Variants in PIEZO2 observed in about 807,000 individuals in gnomAD.
The protein encoded by PIEZO2 is piezo type mechanosensitive ion channel component 2.
A neutral mutation model predicts 337.3 loss-of-function variants in PIEZO2; 172 were observed. That is an observed-to-expected ratio of 0.51 (90% CI 0.45 to 0.58). PIEZO2 has a LOEUF of 0.58. Ranked by LOEUF, PIEZO2 falls within the 20% of genes least tolerant of loss-of-function variation. PIEZO2 has a pLI of 0.00. For synonymous variants in PIEZO2, 1,251 were observed against 1,228.5 expected, an observed-to-expected ratio of 1.02 and a Z score of -0.38; for missense variants, 3,028 against 3,391.3, an observed-to-expected ratio of 0.89 and a Z score of 2.66.
chr18:11,058,485 G>A (rs976958109), intron 2 of PIEZO2, among the ~76,000 whole-genome samples: 1 of 152,128 alleles, frequency 6.6e-6, no homozygotes, highest in African/African-American at 2.4e-5. Context: ...CTGAGCTAAA[G>A]GAGGAAGTTC....
intron 2 of PIEZO2, among the ~76,000 whole-genome samples, chr18:11,065,516 A>C (rs1242346253): frequency 6.6e-6 from 1 of 152,236 alleles, no homozygotes; most frequent in Admixed American, 6.5e-5. Context: ...TATAGTCACC[A>C]CTTTATATTC....
At chr18:10,926,530 A>G (rs1173195286) in intron 3 of PIEZO2, among the ~76,000 whole-genome samples, 1 of 152,214 alleles carries the variant, frequency 6.6e-6, no homozygotes, top group African/African-American at 2.4e-5. Context: ...AGAAAAAAGC[A>G]GTTCACAGTG....
intron 2 of PIEZO2, among the ~76,000 whole-genome samples, chr18:11,042,360 TG>T (rs1196211305): frequency 6.6e-6 from 1 of 152,214 alleles, no homozygotes; most frequent in African/African-American, 2.4e-5. Context: ...GCCTGCAGGC[TG>T]GGGATGGCCA....
At chr18:11,036,239 G>A (rs956742559) in intron 2 of PIEZO2, among the ~76,000 whole-genome samples, 2 of 152,162 alleles carry the variant, frequency 1.3e-5, no homozygotes, top group Non-Finnish European at 2.9e-5. Flanking sequence ...ATAAGAATGT[G>A]GTTTCACAGC....
intron 2 of PIEZO2, among the ~76,000 whole-genome samples, chr18:11,015,600 A>G (rs2145684867): frequency 6.6e-6 from 1 of 152,272 alleles, no homozygotes; most frequent in South Asian, 2.1e-4. Flanking sequence ...CGCCTTGATA[A>G]TCAGTGCCAA....
At chr18:10,796,488 G>C (rs2045419190) in intron 12 of PIEZO2, among the ~76,000 whole-genome samples, 1 of 152,090 alleles carries the variant, frequency 6.6e-6, no homozygotes, top group African/African-American at 2.4e-5. Context: ...TGTTAACCTT[G>C]AAGACCTTCA....
At chr18:10,934,385 C>T (rs1233348356) in intron 3 of PIEZO2, among the ~76,000 whole-genome samples, 2 of 152,176 alleles carry the variant, frequency 1.3e-5, no homozygotes, top group South Asian at 2.1e-4. Context: ...TCAGGCCCTG[C>T]AGCTTCAGGT....
chr18:11,089,920 G>A (rs1173901218), intron 1 of PIEZO2, among the ~76,000 whole-genome samples: 1 of 152,164 alleles, frequency 6.6e-6, no homozygotes, highest in Non-Finnish European at 1.5e-5. Context: ...GAAGAGAACC[G>A]ATTGATCTCA....
In PIEZO2 at chr18:11,148,488, C is replaced by CCTCCT. The variant is rs1026307287; in HGVS notation, c.64+32_64+36dup. ...TCCCCCACCCAGGCGCCCCCCTCGT[C>CCTCCT]CTCCTCAAGTGCCCTCGGAAAGCGG... On this transcript the variant is annotated intron_variant, in intron 1 of 55. Coordinates refer to ENST00000674853, the MANE Select transcript of PIEZO2 (RefSeq NM_001378183.1). This position sits in a 1 kb window ranked among gnomAD's most constrained non-coding sequence, Gnocchi z 5.2. 1.3e-6 allele frequency: 2 copies of CCTCCT among 1,535,542 alleles called. No individual in the cohort carries two copies. The highest frequency in any genetic ancestry group is 2.7e-5 in the African/African-American group (2 of 73,142).
intron 1 of PIEZO2, among the ~76,000 whole-genome samples, chr18:11,072,855 G>C (rs972971540): frequency 6.6e-6 from 1 of 152,136 alleles, no homozygotes; most frequent in African/African-American, 2.4e-5. Context: ...GCCGGGCTAG[G>C]ATTACAGGTA....
intron 3 of PIEZO2, among the ~76,000 whole-genome samples, chr18:10,918,523 C>T (rs1331520242): frequency 1.3e-5 from 2 of 151,888 alleles, no homozygotes; most frequent in Non-Finnish European, 2.9e-5. Flanking sequence ...TGGGTGATCT[C>T]GTCATAAAAG....
chr18:10,818,145 C>G (rs1038732295), intron 7 of PIEZO2, among the ~76,000 whole-genome samples: 8 of 151,890 alleles, frequency 5.3e-5, no homozygotes, highest in African/African-American at 1.9e-4. Flanking sequence ...ACAATTTATA[C>G]CCTTAAAGAA....
Position 11,003,458 on chromosome 18 carries a change from TA to T in PIEZO2, c.161-23799del. On this transcript the variant is annotated intron_variant, in intron 2 of 55. Coordinates refer to ENST00000674853, the MANE Select transcript of PIEZO2 (RefSeq NM_001378183.1). The surrounding 1 kb of genome is among the most constrained non-coding windows in gnomAD (Gnocchi z 4.6). The stretch of plus-strand genomic sequence containing the variant: ...GGTCACAAAAACATCACCAAACTTC[TA>T]AATAAGGACAAAACACTTCTATATT... 6.6e-6 allele frequency among the ~76,000 whole-genome samples: 1 copy of T among 152,214 alleles called. No homozygotes were observed. The highest frequency in any genetic ancestry group is 1.9e-4 in the East Asian group (1 of 5,206).
At chr18:11,103,191 T>C (rs1237665270) in intron 1 of PIEZO2, among the ~76,000 whole-genome samples, 2 of 152,230 alleles carry the variant, frequency 1.3e-5, no homozygotes, top group Admixed American at 6.5e-5. Flanking sequence ...ATAAAAACTA[T>C]GTGTTTTATA....
In PIEZO2 at chr18:10,671,598, A is replaced by G. The variant is rs1001797643; in HGVS notation, c.8527T>C (p.Tyr2843His). 1.9e-6 allele frequency: 3 copies of G among 1,613,832 alleles called. No homozygotes were observed. Among genetic ancestry groups the G allele is most frequent in the Non-Finnish European group, 2.5e-6 (3 of 1,179,882 alleles). The change falls in exon 56 of 56, where the codon TAT (tyrosine) becomes CAT (histidine). Residue 2843 changes from tyrosine to histidine, a missense_variant. Physicochemically the swap from Tyr to His is moderately conservative, Grantham distance 83. This residue lies in a region of PIEZO2 where 332 missense variants were observed against 363.8 expected (regional missense o/e 0.91). Transcript: ENST00000674853. ...TGELELEEDL[Y>H]AKLIFLYRSP... is the part of the protein sequence containing the mutation. ...CGATATAGGAATATTAATTTGGCAT[A>G]GAGATCTTCTTCTAGCTCCAGTTCT...
intron 3 of PIEZO2, among the ~76,000 whole-genome samples, chr18:10,966,593 T>C (rs886797916): frequency 6.6e-6 from 1 of 151,988 alleles, no homozygotes; most frequent in Non-Finnish European, 1.5e-5. Context: ...ATCACTGGAG[T>C]AGCTGTTATT....
At chr18:10,675,490 T>C (rs2033957710) in intron 53 of PIEZO2, among the ~76,000 whole-genome samples, 1 of 152,204 alleles carries the variant, frequency 6.6e-6, no homozygotes, top group South Asian at 2.1e-4. Flanking sequence ...CTGAGCTTTA[T>C]CTGTATCTGC....
rs77367208 is a variant in PIEZO2, at chr18:10,979,482, C to T, written c.286+53G>A. 61,278 of 1,387,716 alleles carry T rather than the reference C, an allele frequency of 0.044. 2,042 individuals carry two copies. The highest frequency in any genetic ancestry group is 0.15 in the African/African-American group (10,582 of 69,270). 86.0% of individuals were successfully genotyped at this position (1,387,716 alleles called of 1,614,324 possible). A position where few individuals can be genotyped will look rare whatever the true frequency, so the allele number is the denominator to read the frequency against. On this transcript the variant is annotated intron_variant, in intron 3 of 55. Transcript: ENST00000674853. The surrounding 1 kb of genome is among the most constrained non-coding windows in gnomAD (Gnocchi z 4.0). ...CGATGACACACAGCTTTATTATGCA[C>T]GTATATAAAAGAAATAAAAGAAAAC...
At position 10,855,624 on chromosome 18, in the gene PIEZO2, C is replaced by A; in HGVS notation, c.704-58G>T. 7.8e-7 allele frequency: 1 copy of A among 1,285,074 alleles called. No homozygotes were observed. The allele number at this position is 1,285,074 out of a possible 1,614,324, so 79.6% of individuals were successfully genotyped here. On this transcript the variant is annotated intron_variant, in intron 6 of 55. Coordinates refer to ENST00000674853, the MANE Select transcript of PIEZO2 (RefSeq NM_001378183.1). This position sits in a 1 kb window ranked among gnomAD's most constrained non-coding sequence, Gnocchi z 4.9. ...TAGAACTGGAAATTCACTTATCATT[C>A]AGTGAATGTGACTATTTGAAATTAT...
Sources: allele counts gnomAD v4.1 joint callset (sites outside exome capture counted in the v4.1 genomes callset), GRCh38; gene constraint gnomAD v4.1.1; regional missense constraint gnomAD v4.1.1; non-coding constraint Gnocchi (gnomAD v3.1); transcripts MANE v1.5; gene names NCBI Gene and HGNC (gene_info 2026-07-23, HGNC 2026-07-21).